LRRC27: variants seen among roughly 807,000 people sequenced by gnomAD.
LRRC27 encodes the protein leucine-rich repeat-containing protein 27.
Under a neutral mutation model 55.0 loss-of-function variants are expected in LRRC27, and 57 were observed. The observed-to-expected ratio is 1.04, with a 90% CI of 0.84 to 1.29. The LOEUF (loss-of-function observed/expected upper bound fraction) is 1.29. Among genes scored for constraint, LRRC27 ranks in the 50% most tolerant of loss-of-function variants. LRRC27 has a pLI of 0.00. For missense variants in LRRC27, 721 were observed against 651.5 expected (o/e 1.11, Z -1.16); for synonymous variants, 278 against 251.9 (o/e 1.10, Z -0.98).
chr10:132,356,222 C>T (rs940788750), intron 8 of LRRC27, among the ~76,000 whole-genome samples: 30 of 152,236 alleles, frequency 2.0e-4, no homozygotes, highest in Admixed American at 1.8e-3. Flanking sequence ...AGAGGGAAGG[C>T]GGAAGAGGAG....
At chr10:132,339,234 G>T (rs981732437) in intron 3 of LRRC27, among the ~76,000 whole-genome samples, 21 of 152,222 alleles carry the variant, frequency 1.4e-4, no homozygotes, top group African/African-American at 4.8e-4. Flanking sequence ...CAAGAGCCAT[G>T]GTGGCCTCCG....
At chr10:132,359,135 A>G (rs1564847077) in intron 8 of LRRC27, among the ~76,000 whole-genome samples, 1 of 133,174 alleles carries the variant, frequency 7.5e-6, no homozygotes, top group Non-Finnish European at 1.6e-5. Context: ...GAGCGTGGGA[A>G]GGAGCCGAGG....
chr10:132,344,320 A>C (rs2067566977), intron 4 of LRRC27, among the ~76,000 whole-genome samples, 178 bp from the exon 5 acceptor site: 1 of 152,214 alleles, frequency 6.6e-6, no homozygotes, highest in Non-Finnish European at 1.5e-5. Flanking sequence ...AATTTGCGGA[A>C]TCCGTCTCCT....
intron 2 of LRRC27, among the ~76,000 whole-genome samples, chr10:132,335,432 A>G (rs2067070899): frequency 6.7e-6 from 1 of 150,044 alleles, no homozygotes; most frequent in Admixed American, 6.6e-5. Flanking sequence ...TAGGGGCTGT[A>G]GGGCACAGGT....
intron 7 of LRRC27, chr10:132,353,008 G>C (rs189514840): frequency 1.2e-6 from 2 of 1,606,062 alleles, no homozygotes; most frequent in East Asian, 2.2e-5. Context: ...CGATGGACTC[G>C]GTGTCCTCAG....
At chr10:132,364,469 ACTTACACCCACCCACACTTACACCCACC>A (rs1564853525) in intron 9 of LRRC27, among the ~76,000 whole-genome samples, 3 of 120,764 alleles carry the variant, frequency 2.5e-5, no homozygotes, top group East Asian at 2.3e-4. Context: ...ACCCACCCAC[ACTTACACCCACCCACACTTACACCCACC>A]CTTACATCTA....
chr10:132,365,408 G>T lies in LRRC27; in HGVS notation c.1290-16G>T, dbSNP rs1178650583. ...AATGTGTCAAGTCATTTCCCTCTTT[G>T]CCCTTTGTTTCTCAGTGCCCTGCAG... On this transcript the variant is annotated splice_polypyrimidine_tract_variant and intron_variant, in intron 9 of 10. Coordinates refer to ENST00000368614, the MANE Select transcript of LRRC27 (RefSeq NM_030626.3). 5.0e-6 allele frequency: 8 copies of T among 1,612,900 alleles called. No individual in the cohort carries two copies. Among genetic ancestry groups the T allele is most frequent in the Non-Finnish European group, 4.2e-6 (5 of 1,179,668 alleles).
intron 9 of LRRC27, among the ~76,000 whole-genome samples, chr10:132,364,752 A>ACACCCTGGGGCCC: frequency 3.2e-5 from 3 of 93,818 alleles, no homozygotes; most frequent in Non-Finnish European, 6.3e-5. Flanking sequence ...CTCCACGCCC[A>ACACCCTGGGGCCC]CACTTACACT....
intron 3 of LRRC27, among the ~76,000 whole-genome samples, chr10:132,339,408 T>C (rs987973765): frequency 2.6e-5 from 4 of 152,234 alleles, no homozygotes; most frequent in Non-Finnish European, 5.9e-5. Context: ...TATCTAATGA[T>C]AGGTGGTGTC....
In LRRC27 at chr10:132,380,591, CGAG is replaced by C. The variant is rs2069398674; in HGVS notation, c.*5351_*5353del. Among the ~76,000 whole-genome samples the C allele has an allele frequency of 6.6e-6, 1 of 151,612 alleles. No homozygotes were observed. The highest frequency in any genetic ancestry group is 2.1e-4 in the South Asian group (1 of 4,812). ...GGAGGATCCCTTGAGCCCAGGAGGT[CGAG>C]GCTGCAGTGAGCTGTGATTGCACCA... is the stretch of plus-strand genomic sequence containing the variant. On this transcript the variant is annotated 3_prime_UTR_variant, in exon 11 of 11. Coordinates refer to ENST00000368614, the MANE Select transcript of LRRC27 (RefSeq NM_030626.3).
At chr10:132,373,353 C>T (rs1039207413) in intron 10 of LRRC27, among the ~76,000 whole-genome samples, 6 of 152,058 alleles carry the variant, frequency 3.9e-5, no homozygotes, top group African/African-American at 9.7e-5. Context: ...CAGGAGGGCT[C>T]GTCACAAAGG....
At chr10:132,367,641 G>A (rs1229329711) in intron 10 of LRRC27, among the ~76,000 whole-genome samples, 1 of 152,168 alleles carries the variant, frequency 6.6e-6, no homozygotes, top group Non-Finnish European at 1.5e-5. Flanking sequence ...TGCAGAAAAA[G>A]CATCTGACAA....
At chr10:132,340,632 G>A (rs532450727) in intron 3 of LRRC27, among the ~76,000 whole-genome samples, 25 of 152,274 alleles carry the variant, frequency 1.6e-4, no homozygotes, top group Admixed American at 5.2e-4. Flanking sequence ...CTTTTGTGCA[G>A]TTCAAGAAAA....
chr10:132,371,238 T>A (rs1262290908), intron 10 of LRRC27, among the ~76,000 whole-genome samples: 2 of 152,184 alleles, frequency 1.3e-5, no homozygotes, highest in African/African-American at 4.8e-5. Context: ...CACCCCCCCA[T>A]GCACCCGGGA....
At position 132,377,400 on chromosome 10, in the gene LRRC27, G is replaced by C. The variant is rs1724950877; in HGVS notation, c.*2158G>C. ...ATATCTTTTAATATTATTCTCTTGG[G>C]TGTTGCCTTAGAGATTTCATACATG... is the stretch of plus-strand genomic sequence containing the variant. On this transcript the variant is annotated 3_prime_UTR_variant, in exon 11 of 11. Coordinates refer to ENST00000368614, the MANE Select transcript of LRRC27 (RefSeq NM_030626.3). 6.6e-6 allele frequency: 1 copy of C among 151,944 alleles called. No homozygotes were observed. The highest frequency in any genetic ancestry group is 2.1e-4 in the South Asian group (1 of 4,822). The allele number at this position is 151,944 out of a possible 1,614,324, so 9.4% of individuals were successfully genotyped here.
At chr10:132,360,851 C>G (rs2068580869) in intron 8 of LRRC27, among the ~76,000 whole-genome samples, 1 of 152,218 alleles carries the variant, frequency 6.6e-6, no homozygotes, top group Non-Finnish European at 1.5e-5. Context: ...TGGTTTCTGA[C>G]AGTCCCCGGG....
intron 7 of LRRC27, among the ~76,000 whole-genome samples, chr10:132,353,563 C>G (rs2068168957): frequency 6.6e-6 from 1 of 152,328 alleles, no homozygotes; most frequent in Admixed American, 6.5e-5. Flanking sequence ...CAGAACTGGT[C>G]CCCTGTCCCA....
chr10:132,330,509 G>C, upstream of LRRC27: 3 of 716,842 alleles, frequency 4.2e-6, no homozygotes, highest in Non-Finnish European at 2.6e-6. Context: ...AGTTGGGTAT[G>C]TACGAAAACT....
At chr10:132,332,357 C>G (rs900253334) in intron 1 of LRRC27, 101 bp downstream of exon 1, 1 of 152,390 alleles carries the variant, frequency 6.6e-6, no homozygotes. Context: ...TAGCTCCAGC[C>G]GCGATGCTGA....
Sources: allele counts gnomAD v4.1 joint callset (sites outside exome capture counted in the v4.1 genomes callset), GRCh38; gene constraint gnomAD v4.1.1; transcripts MANE v1.5; gene names NCBI Gene and HGNC (gene_info 2026-07-23, HGNC 2026-07-21).